ARFRP1: variants seen among roughly 807,000 people sequenced by gnomAD.
ARFRP1 encodes ADP-ribosylation factor-related protein 1.
In ARFRP1, 19 loss-of-function variants were observed where a neutral mutation model predicts 30.3. That is an observed-to-expected ratio of 0.63 (90% CI 0.44 to 0.92). The LOEUF (loss-of-function observed/expected upper bound fraction) is 0.92. ARFRP1 is among the 40% of genes least tolerant of loss of function. ARFRP1 has a pLI of 0.00. For missense variants in ARFRP1, 245 were observed against 267.5 expected, an observed-to-expected ratio of 0.92 and a Z score of 0.59; for synonymous variants, 133 against 114.2, an observed-to-expected ratio of 1.16 and a Z score of -1.05.
At chr20:63,705,089 G>T (rs2091391405) in intron 4 of ARFRP1, 1 of 152,510 alleles carries the variant, frequency 6.6e-6, no homozygotes, top group Admixed American at 6.5e-5. Context: ...ATCTGTGCCT[G>T]AGACACCGGC....
At chr20:63,705,521 G>C (rs1362904282) in intron 4 of ARFRP1, 2 of 446,028 alleles carry the variant, frequency 4.5e-6, no homozygotes, top group Non-Finnish European at 9.0e-6. Context: ...CACCACACTG[G>C]GATCTCAGAA....
At chr20:63,706,593 G>A (rs1265046325) in intron 3 of ARFRP1, 58 bp downstream of exon 3, 2 of 1,537,068 alleles carry the variant, frequency 1.3e-6, no homozygotes, top group South Asian at 2.2e-5. Context: ...CAGCTGGACT[G>A]TGAATATCAC....
intron 5 of ARFRP1, 98 bp from the exon 6 acceptor site, chr20:63,701,998 G>GGCCC: frequency 3.6e-5 from 21 of 583,890 alleles, no homozygotes; most frequent in South Asian, 1.3e-4. Flanking sequence ...CACTCCCTCT[G>GGCCC]CCCCCCCCCC....
At chr20:63,700,928 C>A (rs759826816) in intron 6 of ARFRP1, among the ~76,000 whole-genome samples, 11 of 152,148 alleles carry the variant, frequency 7.2e-5, no homozygotes, top group Non-Finnish European at 1.3e-4. Context: ...CCACACGGCT[C>A]CAAGGAGTCC....
intron 4 of ARFRP1, chr20:63,705,770 C>G: frequency 1.9e-6 from 1 of 533,028 alleles, no homozygotes; most frequent in South Asian, 1.4e-5. Context: ...TCCCCAGGTC[C>G]CCACACTTTG....
rs1302679687 is a variant in ARFRP1, at chr20:63,698,775, ACTG to A, written c.*1665_*1667del. The A allele has an allele frequency of 1.3e-5, 7 of 519,428 alleles. No homozygotes were observed. Among genetic ancestry groups the A allele is most frequent in the Non-Finnish European group, 2.2e-5 (7 of 318,130 alleles). The allele number at this position is 519,428 out of a possible 1,614,324, so 32.2% of individuals were successfully genotyped here. On this transcript the variant is annotated 3_prime_UTR_variant, in exon 8 of 8. Transcript: ENST00000622789. The stretch of plus-strand genomic sequence containing the variant: ...ATCCCTCAGGCTGCCTGCCATCAGA[ACTG>A]CTGCCCGGGGCTTCCCCTACCTCAG...
intron 3 of ARFRP1, 91 bp downstream of exon 3, chr20:63,706,560 C>G (rs1277977900): frequency 1.3e-5 from 19 of 1,519,126 alleles, no homozygotes; most frequent in Non-Finnish European, 1.6e-5. Flanking sequence ...TGAGAGGGGC[C>G]CGACAGGGCT....
In ARFRP1 at chr20:63,700,462, CGCG is replaced by C. The variant is rs752492103; in HGVS notation, c.584_586del (p.Pro195del). The C allele has an allele frequency of 6.2e-7, 1 of 1,609,434 alleles. No individual in the cohort carries two copies. The highest frequency in any genetic ancestry group is 1.1e-5 in the South Asian group (1 of 90,972). On this transcript the variant is annotated inframe_deletion, in exon 8 of 8. Coordinates refer to ENST00000622789, the MANE Select transcript of ARFRP1 (RefSeq NM_001267547.3). ...CTGCGCCTACGTGATGTCCCTCTGC[CGCG>C]GCGGCCGGTGCACATTCCGCACGAC...
Position 63,698,865 on chromosome 20 carries a change from G to A in ARFRP1, c.*1578C>T, listed in dbSNP as rs116323948. 6.4e-3 allele frequency: 1,771 copies of A among 277,780 alleles called. 30 individuals are homozygous for A. Among genetic ancestry groups the A allele is most frequent in the African/African-American group, 0.037 (1,668 of 45,524 alleles). The allele number at this position is 277,780 out of a possible 1,614,324, so 17.2% of individuals were successfully genotyped here. A position where few individuals can be genotyped will look rare whatever the true frequency, so the allele number is the denominator to read the frequency against. ...CCTCTGCCCCCAGTGGCTGTGGCAC[G>A]TGGCAGGGGCCCCTGAAGCTCAGCG... On this transcript the variant is annotated 3_prime_UTR_variant, in exon 8 of 8. Coordinates refer to ENST00000622789, the MANE Select transcript of ARFRP1 (RefSeq NM_001267547.3).
At chr20:63,702,041 CCAGA>C (rs1248359987) in intron 5 of ARFRP1, 91 bp downstream of exon 5, 2 of 1,253,356 alleles carry the variant, frequency 1.6e-6, no homozygotes, top group South Asian at 1.2e-5. Flanking sequence ...GCACTTCTGA[CCAGA>C]CACTGAGCCT....
chr20:63,702,298 G>A, intron 4 of ARFRP1, 81 bp from the exon 5 acceptor site: 6 of 1,354,020 alleles, frequency 4.4e-6, no homozygotes, highest in Non-Finnish European at 5.2e-6. Flanking sequence ...CATGGCCACA[G>A]TGAGGGGCTC....
At chr20:63,700,985 C>T (rs555017919) in intron 6 of ARFRP1, among the ~76,000 whole-genome samples, 19 of 152,284 alleles carry the variant, frequency 1.2e-4, no homozygotes, top group Non-Finnish European at 2.4e-4. Flanking sequence ...CGAGGTGGGG[C>T]GCTGAGGACT....
At chr20:63,702,342 T>G in intron 4 of ARFRP1, 125 bp from the exon 5 acceptor site, 1 of 851,548 alleles carries the variant, frequency 1.2e-6, no homozygotes, top group Middle Eastern at 2.4e-4. Flanking sequence ...AGCCCCCAAC[T>G]GCAAGACCCT....
chr20:63,706,539 C>T, intron 3 of ARFRP1, 100 bp from the exon 4 acceptor site: 1 of 1,524,430 alleles, frequency 6.6e-7, no homozygotes, highest in Non-Finnish European at 9.1e-7. Context: ...TGGTGCCACT[C>T]AAATGAGACT....
chr20:63,702,279 G>C, intron 4 of ARFRP1, 62 bp from the exon 5 acceptor site: 1 of 1,503,182 alleles, frequency 6.7e-7, no homozygotes, highest in Non-Finnish European at 9.2e-7. Flanking sequence ...AGCAGAGCCA[G>C]GCCTGTGTCA....
chr20:63,698,703 C>T lies in ARFRP1; in HGVS notation c.*1740G>A, dbSNP rs372200114. ...CATAAAACTGGTTGTAGTTGCACAG[C>T]TACTGGGAGGGCAGCCGGGGACACC... On this transcript the variant is annotated 3_prime_UTR_variant, in exon 8 of 8. Transcript: ENST00000622789. 6.3e-6 allele frequency: 7 copies of T among 1,107,064 alleles called. No homozygotes were observed. The South Asian group carries it at 8.4e-5, about 13-fold the overall frequency. The allele number at this position is 1,107,064 out of a possible 1,614,324, so 68.6% of individuals were successfully genotyped here.
chr20:63,706,609 C>T, intron 3 of ARFRP1, 42 bp downstream of exon 3: 1 of 1,559,054 alleles, frequency 6.4e-7, no homozygotes, highest in Non-Finnish European at 8.8e-7. Context: ...ATCACGGCAT[C>T]CTCAAGGCCC....
intron 4 of ARFRP1, chr20:63,703,002 T>A (rs1463685267): frequency 6.6e-6 from 1 of 152,274 alleles, no homozygotes; most frequent in African/African-American, 2.4e-5. Context: ...CCCTGCAGCC[T>A]CAGGTACAAG....
chr20:63,700,809 C>T, intron 6 of ARFRP1, 107 bp from the exon 7 acceptor site: 1 of 1,432,568 alleles, frequency 7.0e-7, no homozygotes, highest in Non-Finnish European at 9.4e-7. Context: ...GGGAAACAGC[C>T]AGAGCTCCAC....
Sources: gnomAD v4.1 joint callset for allele counts (sites outside exome capture counted in the v4.1 genomes callset) on GRCh38, gnomAD v4.1.1 for gene constraint, MANE v1.5 for transcripts, NCBI Gene and HGNC (gene_info 2026-07-23, HGNC 2026-07-21) for gene names.